The following HECW1 variants were observed in gnomAD, a reference collection of about 807,000 sequenced individuals.
HECW1 encodes E3 ubiquitin-protein ligase HECW1.
HECW1 carries 61 observed loss-of-function variants against 182.3 expected under a neutral mutation model. That is an observed-to-expected ratio of 0.33 (90% CI 0.27 to 0.41). The LOEUF is 0.41. HECW1 is among the 10% of genes least tolerant of loss of function. HECW1 has a pLI of 1.00. For missense variants in HECW1, 1,739 were observed against 2,108.9 expected, an observed-to-expected ratio of 0.82 and a Z score of 3.44; for synonymous variants, 859 against 832.6, an observed-to-expected ratio of 1.03 and a Z score of -0.55.
intron 24 of HECW1, among the ~76,000 whole-genome samples, chr7:43,529,591 C>T (rs183517423): frequency 1.6e-4 from 24 of 152,302 alleles, no homozygotes; most frequent in Admixed American, 1.4e-3. Flanking sequence ...TGTGAGATGA[C>T]TTCAGACCCT....
chr7:43,378,388 G>T (rs888929745), intron 6 of HECW1, among the ~76,000 whole-genome samples: 1 of 152,250 alleles, frequency 6.6e-6, no homozygotes, highest in Non-Finnish European at 1.5e-5. Context: ...TCAGAGAGCA[G>T]CCTGTAACAA....
At chr7:43,484,531 A>G (rs1039033577) in intron 17 of HECW1, 3 of 152,228 alleles carry the variant, frequency 2.0e-5, no homozygotes, top group Non-Finnish European at 4.4e-5. Context: ...TCACCTACAT[A>G]AGCCATTCTC....
intron 25 of HECW1, 134 bp from the exon 26 acceptor site, chr7:43,541,735 C>A: frequency 1.4e-6 from 1 of 705,762 alleles, no homozygotes; most frequent in Non-Finnish European, 2.1e-6. Context: ...TCTGATTCAT[C>A]AGTGGATTCA....
intron 24 of HECW1, among the ~76,000 whole-genome samples, chr7:43,519,241 T>C (rs1048951032): frequency 6.6e-6 from 1 of 151,962 alleles, no homozygotes; most frequent in South Asian, 2.1e-4. Flanking sequence ...AGTCTGACTC[T>C]AGAGTGCAGA....
chr7:43,357,260 A>C (rs1815273657), intron 5 of HECW1, among the ~76,000 whole-genome samples: 1 of 152,240 alleles, frequency 6.6e-6, no homozygotes, highest in African/African-American at 2.4e-5. Flanking sequence ...TATATCGAAG[A>C]GATACCTGCA....
intron 24 of HECW1, among the ~76,000 whole-genome samples, chr7:43,527,980 A>G (rs2080826087): frequency 6.6e-6 from 1 of 152,258 alleles, no homozygotes; most frequent in African/African-American, 2.4e-5. Context: ...ATAGCTAGAA[A>G]GTTAAATAAC....
chr7:43,375,311 C>A (rs2074281601), intron 6 of HECW1, among the ~76,000 whole-genome samples: 1 of 151,934 alleles, frequency 6.6e-6, no homozygotes, highest in Non-Finnish European at 1.5e-5. Context: ...AAAAATAGTT[C>A]TCTACTGTAC....
intron 2 of HECW1, among the ~76,000 whole-genome samples, chr7:43,159,455 T>C (rs1790270797): frequency 6.6e-6 from 1 of 152,004 alleles, no homozygotes; most frequent in Admixed American, 6.6e-5. Context: ...CTGGCTTTTA[T>C]ATCCTTTTAG....
At chr7:43,345,829 TC>T (rs1813612367) in intron 5 of HECW1, among the ~76,000 whole-genome samples, 4 of 143,180 alleles carry the variant, frequency 2.8e-5, no homozygotes, top group South Asian at 2.2e-4. Context: ...CACACACACA[TC>T]ATATATATAT....
At chr7:43,459,013 A>G (rs2077490949) in intron 13 of HECW1, among the ~76,000 whole-genome samples, 1 of 152,218 alleles carries the variant, frequency 6.6e-6, no homozygotes, top group African/African-American at 2.4e-5. Flanking sequence ...CAACTCAGCC[A>G]TTCCCCAGAC....
intron 24 of HECW1, among the ~76,000 whole-genome samples, chr7:43,510,698 C>G (rs2079820579): frequency 6.6e-6 from 1 of 152,078 alleles, no homozygotes; most frequent in Non-Finnish European, 1.5e-5. Flanking sequence ...GTTAGGGGGT[C>G]AGGGAGTGGG....
chr7:43,276,356 C>T (rs540326870), intron 3 of HECW1, among the ~76,000 whole-genome samples: 1 of 152,220 alleles, frequency 6.6e-6, no homozygotes, highest in African/African-American at 2.4e-5. Context: ...AAATAGAGAC[C>T]TCCAGTGATG....
chr7:43,514,214 A>G (rs986600662), intron 24 of HECW1, among the ~76,000 whole-genome samples: 2 of 152,146 alleles, frequency 1.3e-5, no homozygotes, highest in African/African-American at 4.8e-5. Context: ...CAGAAATCTT[A>G]TAATTTACAG....
chr7:43,456,658 G>A (rs935119950), intron 13 of HECW1, among the ~76,000 whole-genome samples: 8 of 152,190 alleles, frequency 5.3e-5, no homozygotes, highest in Non-Finnish European at 1.0e-4. Flanking sequence ...GTCATTTAAG[G>A]ATGGGAAATC....
At chr7:43,167,411 C>T (rs915903317) in intron 2 of HECW1, among the ~76,000 whole-genome samples, 1 of 152,178 alleles carries the variant, frequency 6.6e-6, no homozygotes, top group African/African-American at 2.4e-5. Context: ...TGCAAAGAGC[C>T]TCTTTCCAAA....
intron 3 of HECW1, among the ~76,000 whole-genome samples, chr7:43,300,114 T>C (rs1806547194): frequency 6.6e-6 from 1 of 152,260 alleles, no homozygotes; most frequent in Admixed American, 6.5e-5. Context: ...GAGGTGCTGG[T>C]GGGTTAATTC....
rs1217499989 is a variant in HECW1 at position 43,253,778 on chromosome 7, G to T, written c.27+9846G>T. 1.8e-4 allele frequency among the ~76,000 whole-genome samples: 27 copies of T among 152,148 alleles called. 1 individual carries two copies. Among genetic ancestry groups the T allele is most frequent in the Admixed American group, 1.8e-3 (27 of 15,270 alleles). On this transcript the variant is annotated intron_variant, in intron 3 of 29. Transcript: ENST00000395891. ...AAAAAATTAGCCAGGCATTGTGGCA[G>T]GTGCCTGTAATCCCAGCTACTGGGG... is the stretch of plus-strand genomic sequence containing the variant.
intron 2 of HECW1, among the ~76,000 whole-genome samples, chr7:43,183,460 G>T (rs1793064230): frequency 6.6e-6 from 1 of 152,258 alleles, no homozygotes; most frequent in Middle Eastern, 3.4e-3. Context: ...GTCAGCATGA[G>T]TTAGTGTCAT....
intron 17 of HECW1, among the ~76,000 whole-genome samples, chr7:43,490,884 AG>A (rs559377029): frequency 8.9e-4 from 135 of 152,164 alleles, no homozygotes; most frequent in Middle Eastern, 3.4e-3. Flanking sequence ...CAGCCTTCCG[AG>A]TAGCTAGGAT....
Sources: gnomAD v4.1 joint callset for allele counts (sites outside exome capture counted in the v4.1 genomes callset) on GRCh38, gnomAD v4.1.1 for gene constraint, MANE v1.5 for transcripts, NCBI Gene and HGNC (gene_info 2026-07-23, HGNC 2026-07-21) for gene names.